The following RBAK variants were observed in gnomAD, a reference collection of about 807,000 sequenced individuals.
RBAK encodes the protein RB-associated KRAB zinc finger protein.
RBAK carries 39 observed loss-of-function variants against 65.8 expected under a neutral mutation model. The observed-to-expected ratio is 0.59, with a 90% CI of 0.46 to 0.77. RBAK has a LOEUF of 0.77. Among genes scored for constraint, RBAK ranks in the 30% least tolerant of loss-of-function variants. The pLI is 0.00. For missense variants in RBAK, 884 were observed against 855.1 expected (o/e 1.03, Z -0.42); for synonymous variants, 343 against 289.7 (o/e 1.18, Z -1.87).
At position 5,064,875 on chromosome 7, in the gene RBAK, T is replaced by G; in HGVS notation, c.1419T>G (p.Ile473Met). 1 of 1,613,976 alleles carries G rather than the reference T, an allele frequency of 6.2e-7. No homozygotes were observed. Among genetic ancestry groups the G allele is most frequent in the Non-Finnish European group, 8.5e-7 (1 of 1,179,866 alleles). Residue 473 changes from isoleucine (I) to methionine (M), a missense_variant, in exon 5 of 5, where the codon ATT becomes ATG. By Grantham distance (10) the Ile-to-Met change is conservative. Transcript: ENST00000396912. This position sits in a 1 kb window ranked among gnomAD's most constrained non-coding sequence, Gnocchi z 6.3. ...GKTFNLNSAF[I>M]RHRKVHTEEK... Reference sequence around the variant, plus strand: ...CCTTCAATTTAAATTCAGCCTTCATTAGACATCGGAAAGTACACACAGAAG... The same window carrying G: ...CCTTCAATTTAAATTCAGCCTTCATGAGACATCGGAAAGTACACACAGAAG...
At chr7:5,054,217 C>T (rs1404203007) in intron 2 of RBAK, among the ~76,000 whole-genome samples, 2 of 152,032 alleles carry the variant, frequency 1.3e-5, no homozygotes, top group South Asian at 2.1e-4. Context: ...CCAGCCTGGC[C>T]AACATAGTGA....
intron 1 of RBAK, among the ~76,000 whole-genome samples, chr7:5,047,601 CTTTTTTTTTT>C (rs1037439035): frequency 0.042 from 4,275 of 100,874 alleles, 227 homozygotes; most frequent in African/African-American, 0.16. Context: ...TTTTCACTCT[CTTTTTTTTTT>C]TTTTTTTTTT....
chr7:5,056,730 G>C (rs1337370640), intron 2 of RBAK, among the ~76,000 whole-genome samples: 1 of 152,074 alleles, frequency 6.6e-6, no homozygotes, highest in Non-Finnish European at 1.5e-5. Context: ...AGAGGCCACT[G>C]GCTATGAGAA....
intron 2 of RBAK, among the ~76,000 whole-genome samples, chr7:5,050,644 G>T (rs895006231): frequency 1.3e-5 from 2 of 151,884 alleles, no homozygotes; most frequent in Admixed American, 6.6e-5. Context: ...TCGTGTTTAC[G>T]GCTCACTGCA....
In RBAK at chr7:5,066,204, G is replaced by A. The variant is rs1361384100; in HGVS notation, c.*603G>A. The A allele has an allele frequency of 6.6e-6, 1 of 152,378 alleles. No individual in the cohort carries two copies. The highest frequency in any genetic ancestry group is 1.5e-5 in the Non-Finnish European group (1 of 67,972). 9.4% of individuals were successfully genotyped at this position (152,378 alleles called of 1,614,324 possible). ...AGGCAGTTTTCTTATTTGAGTATTA[G>A]GATGGCAAAATGTATTAAGACAGGA... On this transcript the variant is annotated 3_prime_UTR_variant, in exon 5 of 5. Transcript: ENST00000396912.
Position 5,049,878 on chromosome 7 carries a change from C to T in RBAK, c.15+1787C>T, listed in dbSNP as rs540619687. ...AGCTACAGGCGCAAGCTGCCACACC[C>T]GACTAATTTTTTTATATTTTAGTAG... On this transcript the variant is annotated intron_variant, in intron 2 of 4. Coordinates refer to ENST00000396912, the MANE Select transcript of RBAK (RefSeq NM_021163.4). Among the ~76,000 whole-genome samples the T allele has an allele frequency of 1.1e-4, 16 of 152,122 alleles. No homozygotes were observed. In the South Asian group the frequency reaches 2.1e-3, roughly 20 times the overall value.
Position 5,048,326 on chromosome 7 carries a change from C to G in RBAK, c.15+235C>G, listed in dbSNP as rs1788040871. ...TAGCTGGGATTACAGGCGTGCGCCA[C>G]CATGCCCAACTAATTTTTTGTATTT... On this transcript the variant is annotated intron_variant, in intron 2 of 4. Transcript: ENST00000396912. The surrounding 1 kb of genome is among the most constrained non-coding windows in gnomAD (Gnocchi z 4.4). Among the ~76,000 whole-genome samples the G allele has an allele frequency of 6.6e-6, 1 of 152,120 alleles. No homozygotes were observed. Among genetic ancestry groups the G allele is most frequent in the African/African-American group, 2.4e-5 (1 of 41,406 alleles).
intron 4 of RBAK, 139 bp downstream of exon 4, chr7:5,057,918 C>T: frequency 2.4e-6 from 2 of 829,100 alleles, no homozygotes; most frequent in Non-Finnish European, 3.8e-6. Context: ...CGCACACATA[C>T]ATGAACTCTT....
At chr7:5,051,598 T>C (rs535896546) in intron 2 of RBAK, among the ~76,000 whole-genome samples, 1 of 152,364 alleles carries the variant, frequency 6.6e-6, no homozygotes, top group African/African-American at 2.4e-5. Context: ...AGATTCAGTC[T>C]AGGACTGTCA....
rs2115053131 is a variant in RBAK at position 5,069,112 on chromosome 7, T to TA, written c.*3512dup. On this transcript the variant is annotated 3_prime_UTR_variant, in exon 5 of 5. Transcript: ENST00000396912. ...TGTGTTTTGAGCTGTGCACTTAAGA[T>TA]ATGTGTATTTTTCTGCATGTGTGTT... 1 of 152,324 alleles carries TA rather than the reference T, an allele frequency of 6.6e-6. No homozygotes were observed. Among genetic ancestry groups the TA allele is most frequent in the East Asian group, 1.9e-4 (1 of 5,190 alleles). The allele number at this position is 152,324 out of a possible 1,614,324, so 9.4% of individuals were successfully genotyped here.
intron 2 of RBAK, among the ~76,000 whole-genome samples, chr7:5,050,498 T>C (rs1788091929): frequency 6.6e-6 from 1 of 152,240 alleles, no homozygotes; most frequent in South Asian, 2.1e-4. Context: ...TGATTATTGC[T>C]GTGATTTACT....
chr7:5,057,075 T>TTTTATATATATTATATATA (rs1201764587), intron 2 of RBAK: 10 of 208,974 alleles, frequency 4.8e-5, no homozygotes, highest in Admixed American at 4.6e-4. Flanking sequence ...TATATATATT[T>TTTTATATATATTATATATA]TTTATATATA....
At chr7:5,059,709 G>T (rs1240964721) in intron 4 of RBAK, among the ~76,000 whole-genome samples, 1 of 152,122 alleles carries the variant, frequency 6.6e-6, no homozygotes, top group Non-Finnish European at 1.5e-5. Flanking sequence ...ATTCCAGTCA[G>T]CGATTGTTAC....
chr7:5,052,664 C>T (rs772509002), intron 2 of RBAK, among the ~76,000 whole-genome samples: 10 of 152,032 alleles, frequency 6.6e-5, no homozygotes, highest in Non-Finnish European at 1.0e-4. Flanking sequence ...GTCTTTACAC[C>T]GTTGTTCATT....
intron 4 of RBAK, among the ~76,000 whole-genome samples, chr7:5,063,392 A>T (rs767320272): frequency 6.6e-6 from 1 of 152,034 alleles, no homozygotes; most frequent in Non-Finnish European, 1.5e-5. Flanking sequence ...TTTGAAACAT[A>T]ATATTTGTAA....
Position 5,063,711 on chromosome 7 carries a change from T to C in RBAK, c.255T>C (p.Asp85=). The change falls in exon 5 of 5, where the codon GAT becomes GAC. Residue 85 remains aspartate, a synonymous_variant. Transcript: ENST00000396912. ...CCTTTTTAGAAGCCTGGAGAGTTGA[T>C]GACCTGATAGAGAGAATCCAAGAAA... ...CQHSPEAWRV[D]DLIERIQENE... 1 of 1,605,406 alleles carries C rather than the reference T, an allele frequency of 6.2e-7. No individual in the cohort carries two copies. Among genetic ancestry groups the C allele is most frequent in the African/African-American group, 1.3e-5 (1 of 74,462 alleles).
At chr7:5,050,784 G>A (rs1043545016) in intron 2 of RBAK, among the ~76,000 whole-genome samples, 2 of 152,018 alleles carry the variant, frequency 1.3e-5, no homozygotes, top group Non-Finnish European at 2.9e-5. Flanking sequence ...ATGTTGCCCA[G>A]GCTGGTCTTG....
intron 4 of RBAK, among the ~76,000 whole-genome samples, chr7:5,062,349 C>G (rs1160200272): frequency 6.6e-6 from 1 of 152,108 alleles, no homozygotes; most frequent in African/African-American, 2.4e-5. Flanking sequence ...CCGGGGGAGA[C>G]ATCACATGTC....
At chr7:5,055,439 C>G (rs182050272) in intron 2 of RBAK, among the ~76,000 whole-genome samples, 1 of 152,034 alleles carries the variant, frequency 6.6e-6, no homozygotes, top group Non-Finnish European at 1.5e-5. Flanking sequence ...CCATCAGTTT[C>G]TATTTTCTTT....
Sources: allele counts gnomAD v4.1 joint callset (sites outside exome capture counted in the v4.1 genomes callset), GRCh38; gene constraint gnomAD v4.1.1; non-coding constraint Gnocchi (gnomAD v3.1); transcripts MANE v1.5; gene names NCBI Gene and HGNC (gene_info 2026-07-23, HGNC 2026-07-21).